Variants in ARHGEF38 observed in about 807,000 individuals in gnomAD.
ARHGEF38 encodes the protein Rho guanine nucleotide exchange factor 38.
ARHGEF38 carries 79 observed loss-of-function variants against 79.9 expected under a neutral mutation model. That is an observed-to-expected ratio of 0.99 (90% CI 0.82 to 1.19). The LOEUF (loss-of-function observed/expected upper bound fraction) is 1.19, where lower values mean the gene tolerates loss of function less well. Among genes scored for constraint, ARHGEF38 ranks in the 50% most tolerant of loss-of-function variants. The probability of loss-of-function intolerance (pLI) is 0.00; values close to 1 mark genes in which losing one functional copy is unlikely to be tolerated. For missense variants in ARHGEF38, 962 were observed against 907.2 expected (o/e 1.06, Z -0.78); for synonymous variants, 366 against 328.3 (o/e 1.11, Z -1.24).
chr4:105,576,179 T>C (rs1449085615), intron 1 of ARHGEF38, among the ~76,000 whole-genome samples: 3 of 152,164 alleles, frequency 2.0e-5, no homozygotes, highest in Non-Finnish European at 4.4e-5. Flanking sequence ...GCTAATTCTG[T>C]GAAAAATGAT....
intron 2 of ARHGEF38, among the ~76,000 whole-genome samples, chr4:105,597,795 A>G (rs768163223): frequency 6.6e-6 from 1 of 152,206 alleles, no homozygotes; most frequent in African/African-American, 2.4e-5. Flanking sequence ...TAAAGGGTAC[A>G]TGGATCTCTC....
At chr4:105,578,791 A>G (rs1390176076) in intron 1 of ARHGEF38, among the ~76,000 whole-genome samples, 2 of 152,092 alleles carry the variant, frequency 1.3e-5, no homozygotes, top group Non-Finnish European at 2.9e-5. Flanking sequence ...ATTTATATGA[A>G]TCTTTACATT....
chr4:105,672,000 G>T (rs958399069), intron 13 of ARHGEF38, among the ~76,000 whole-genome samples: 7 of 152,084 alleles, frequency 4.6e-5, no homozygotes, highest in Non-Finnish European at 7.4e-5. Context: ...AGGACAGGTG[G>T]CCTCTACCTC....
At chr4:105,576,411 T>C (rs1039135755) in intron 1 of ARHGEF38, among the ~76,000 whole-genome samples, 7 of 150,078 alleles carry the variant, frequency 4.7e-5, no homozygotes, top group South Asian at 2.1e-4. Flanking sequence ...TTTCTTCTTT[T>C]TTTTTTTTTT....
intron 3 of ARHGEF38, among the ~76,000 whole-genome samples, chr4:105,625,463 G>T (rs886661040): frequency 6.6e-6 from 1 of 152,196 alleles, no homozygotes; most frequent in African/African-American, 2.4e-5. Context: ...AGAGCTGTAC[G>T]GCAGCTCTGC....
Position 105,656,852 on chromosome 4 carries a change from A to G in ARHGEF38, c.1233+1130A>G, listed in dbSNP as rs143395263. ...ATAATTCCAAACCCTAGGAAGTCAT[A>G]CAGCCCCCGATCTAGTAGAAAAACC... On this transcript the variant is annotated intron_variant, in intron 9 of 13. Coordinates refer to ENST00000420470, the MANE Select transcript of ARHGEF38 (RefSeq NM_001242729.2). Among the ~76,000 whole-genome samples the G allele has an allele frequency of 9.9e-5, 15 of 152,238 alleles. No homozygotes were observed. In the East Asian group the frequency reaches 2.7e-3, roughly 27 times the overall value.
At chr4:105,601,415 G>C (rs1009299378) in intron 2 of ARHGEF38, among the ~76,000 whole-genome samples, 1 of 152,082 alleles carries the variant, frequency 6.6e-6, no homozygotes, top group Non-Finnish European at 1.5e-5. Flanking sequence ...CCTGATAAAA[G>C]GATTTTAGAT....
Position 105,552,770 on chromosome 4 carries a change from A to T in ARHGEF38, c.5A>T (p.Glu2Val). 6.2e-7 allele frequency: 1 copy of T among 1,607,904 alleles called. No individual in the cohort carries two copies. Among genetic ancestry groups the T allele is most frequent in the South Asian group, 1.1e-5 (1 of 89,716 alleles). The change falls in exon 1 of 14, where the codon GAG becomes GTG. Residue 2 changes from glutamate to valine, a missense_variant. Transcript: ENST00000420470. M[E>V]PKEATGKENM... ...CAAAGCTTGTCTTTGCCTAATATGGAGCCCAAAGAAGCCACTGGGAAAGAA... is the reference window on the plus strand; with the variant it reads ...CAAAGCTTGTCTTTGCCTAATATGGTGCCCAAAGAAGCCACTGGGAAAGAA...
intron 3 of ARHGEF38, among the ~76,000 whole-genome samples, chr4:105,614,315 G>A (rs1258909391): frequency 6.6e-6 from 1 of 152,210 alleles, no homozygotes; most frequent in East Asian, 1.9e-4. Flanking sequence ...TCAGGAGCAC[G>A]TAGAGTAACG....
chr4:105,613,043 G>A (rs1023491394), intron 2 of ARHGEF38, among the ~76,000 whole-genome samples: 8 of 152,214 alleles, frequency 5.3e-5, no homozygotes, highest in Admixed American at 2.6e-4. Context: ...TGTATAAGCA[G>A]TAAACTATTC....
chr4:105,616,666 GA>G (rs1728523278), intron 3 of ARHGEF38, among the ~76,000 whole-genome samples: 2 of 152,072 alleles, frequency 1.3e-5, no homozygotes. Context: ...CAATGTTTTA[GA>G]AAAATTTTGA....
At chr4:105,563,787 C>T (rs528370573) in intron 1 of ARHGEF38, among the ~76,000 whole-genome samples, 42 of 152,288 alleles carry the variant, frequency 2.8e-4, no homozygotes, top group African/African-American at 9.9e-4. Flanking sequence ...ATACATTCAT[C>T]GGCAATCTTG....
chr4:105,566,838 C>T (rs1384018941), intron 1 of ARHGEF38, among the ~76,000 whole-genome samples: 1 of 151,632 alleles, frequency 6.6e-6, no homozygotes, highest in African/African-American at 2.4e-5. Context: ...ACCGCAACCT[C>T]CACCTCCCAG....
chr4:105,598,574 T>C (rs951190402), intron 2 of ARHGEF38, among the ~76,000 whole-genome samples: 2 of 152,194 alleles, frequency 1.3e-5, no homozygotes, highest in African/African-American at 4.8e-5. Context: ...TAACTATCAA[T>C]ACAAATATTC....
chr4:105,577,892 G>A (rs1052586070), intron 1 of ARHGEF38, among the ~76,000 whole-genome samples: 5 of 151,782 alleles, frequency 3.3e-5, no homozygotes, highest in African/African-American at 7.3e-5. Flanking sequence ...TTGTTTCATT[G>A]ATCTTTTGTA....
intron 3 of ARHGEF38, among the ~76,000 whole-genome samples, chr4:105,628,250 G>T (rs1729034795): frequency 2.0e-5 from 3 of 152,110 alleles, no homozygotes; most frequent in African/African-American, 7.2e-5. Flanking sequence ...TCTGCTTTTA[G>T]CTTCTTTGTA....
At chr4:105,559,612 T>C (rs1220500189) in intron 1 of ARHGEF38, among the ~76,000 whole-genome samples, 1 of 152,144 alleles carries the variant, frequency 6.6e-6, no homozygotes. Flanking sequence ...TGTTATAAAA[T>C]ATATTTATCA....
chr4:105,641,404 A>G lies in ARHGEF38; in HGVS notation c.675-3784A>G, dbSNP rs560786313. 2.0e-5 allele frequency among the ~76,000 whole-genome samples: 3 copies of G among 152,124 alleles called. No individual in the cohort carries two copies. The South Asian group carries it at 6.2e-4, about 32-fold the overall frequency. On this transcript the variant is annotated intron_variant, in intron 5 of 13. Transcript: ENST00000420470. ...CGGTTACTATTCATTTATCTCCCTT[A>G]TGTATTCTAATTTAATAATTATTAT...
intron 1 of ARHGEF38, among the ~76,000 whole-genome samples, chr4:105,574,960 C>T (rs1210484176): frequency 6.6e-6 from 1 of 150,770 alleles, no homozygotes; most frequent in Non-Finnish European, 1.5e-5. Flanking sequence ...TATATATATG[C>T]ACACACATAT....
Sources: allele counts gnomAD v4.1 joint callset (sites outside exome capture counted in the v4.1 genomes callset), GRCh38; gene constraint gnomAD v4.1.1; transcripts MANE v1.5; gene names NCBI Gene and HGNC (gene_info 2026-07-23, HGNC 2026-07-21).